Variants in CASKIN1 observed in about 807,000 individuals in gnomAD.
CASKIN1 encodes caskin-1.
A neutral mutation model predicts 117.5 loss-of-function variants in CASKIN1; 42 were observed. The observed-to-expected ratio is 0.36, with a 90% CI of 0.28 to 0.46. CASKIN1 has a LOEUF of 0.46. CASKIN1 is among the 20% of genes least tolerant of loss of function. CASKIN1 has a pLI of 1.00. For missense variants in CASKIN1, 2,083 were observed against 2,077.3 expected (o/e 1.00, Z -0.05); for synonymous variants, 1,148 against 961.7 (o/e 1.19, Z -3.59).
chr16:2,183,805 G>A (rs1381424279), intron 15 of CASKIN1, 26 bp downstream of exon 15: 1 of 1,611,636 alleles, frequency 6.2e-7, no homozygotes. Flanking sequence ...GACGCAGCTG[G>A]CGCTGGCGGC....
intron 10 of CASKIN1, 138 bp from the exon 11 acceptor site, chr16:2,185,546 C>G (rs539773144): frequency 1.4e-6 from 1 of 694,632 alleles, no homozygotes; most frequent in African/African-American, 1.8e-5. Context: ...CTGATAGCCC[C>G]TCGGAAGACC....
rs577187104 is a variant in CASKIN1, at chr16:2,191,540, C to T, written c.95-1182G>A. Among the ~76,000 whole-genome samples, 17 of 152,306 alleles carry T rather than the reference C, an allele frequency of 1.1e-4. No individual in the cohort carries two copies. In the East Asian group the frequency reaches 1.9e-3, roughly 17 times the overall value. Reference sequence around the variant, plus strand: ...AGCATTCCCAGACATAAAGCGTGCGCGGCCTGGCACAAGTCAGGACTCGGT... The same window carrying T: ...AGCATTCCCAGACATAAAGCGTGCGTGGCCTGGCACAAGTCAGGACTCGGT... On this transcript the variant is annotated intron_variant, in intron 1 of 19. Transcript: ENST00000343516.
chr16:2,182,769 T>C lies in CASKIN1; in HGVS notation c.1630-840A>G, dbSNP rs1244859201. 4.6e-5 allele frequency among the ~76,000 whole-genome samples: 7 copies of C among 152,050 alleles called. No individual in the cohort carries two copies. Among genetic ancestry groups the C allele is most frequent in the African/African-American group, 1.5e-4 (6 of 41,364 alleles). ...CCACCTTCTTCAGGCCCGGAACCCATCCCACTGCACAGGCACCTCCCTGTT... is the reference window on the plus strand; with the variant it reads ...CCACCTTCTTCAGGCCCGGAACCCACCCCACTGCACAGGCACCTCCCTGTT... On this transcript the variant is annotated intron_variant, in intron 16 of 19. Coordinates refer to ENST00000343516, the MANE Select transcript of CASKIN1 (RefSeq NM_020764.4). This position sits in a 1 kb window ranked among gnomAD's most constrained non-coding sequence, Gnocchi z 4.1.
At chr16:2,188,933 CT>C in intron 6 of CASKIN1, 93 bp downstream of exon 6, 1 of 1,516,478 alleles carries the variant, frequency 6.6e-7, no homozygotes. Context: ...TGCTCCCGCC[CT>C]ATCCCCAAGC....
chr16:2,181,981 C>A, intron 16 of CASKIN1, 52 bp from the exon 17 acceptor site: 1 of 1,604,720 alleles, frequency 6.2e-7, no homozygotes, highest in Non-Finnish European at 8.5e-7. Context: ...CCGCACCCTG[C>A]CCATCTACCT....
chr16:2,187,613 GT>G, intron 6 of CASKIN1, 152 bp from the exon 7 acceptor site: 1 of 634,146 alleles, frequency 1.6e-6, no homozygotes, highest in East Asian at 2.7e-5. Context: ...CATTCACTGA[GT>G]GCTGAGCGCT....
chr16:2,178,534 C>G lies in CASKIN1; in HGVS notation c.*16G>C. On this transcript the variant is annotated 3_prime_UTR_variant, in exon 20 of 20. Transcript: ENST00000343516. ...GGAGGGCCCGGGCGGCGCGGGAGGG[C>G]CCGGCCAGGCGGCGTTCACTCCAGC... is the stretch of plus-strand genomic sequence containing the variant. The G allele has an allele frequency of 6.4e-7, 1 of 1,562,618 alleles. No homozygotes were observed. The highest frequency in any genetic ancestry group is 8.6e-7 in the Non-Finnish European group (1 of 1,161,512).
intron 1 of CASKIN1, among the ~76,000 whole-genome samples, chr16:2,190,715 C>T (rs2093199249): frequency 6.6e-6 from 1 of 152,208 alleles, no homozygotes; most frequent in Non-Finnish European, 1.5e-5. Flanking sequence ...TGGCTGAGCA[C>T]CTGCCAATGG....
chr16:2,177,942 A>G lies in CASKIN1; in HGVS notation c.*608T>C. ...TGGCCGGAGGAAGGACCGCAGGCAG[A>G]CAGCCTGGGCCTCTAACAGCTTTTG... On this transcript the variant is annotated 3_prime_UTR_variant, in exon 20 of 20. Transcript: ENST00000343516. 1 of 347,334 alleles carries G rather than the reference A, an allele frequency of 2.9e-6. No individual in the cohort carries two copies. The highest frequency in any genetic ancestry group is 5.4e-6 in the Non-Finnish European group (1 of 184,632). 21.5% of individuals were successfully genotyped at this position (347,334 alleles called of 1,614,324 possible).
rs1392410389 is a variant in CASKIN1 at position 2,184,111 on chromosome 16, G to A, written c.1417-170C>T. On this transcript the variant is annotated intron_variant, in intron 14 of 19. Coordinates refer to ENST00000343516, the MANE Select transcript of CASKIN1 (RefSeq NM_020764.4). Reference sequence around the variant, plus strand: ...CTGGCCCGTGAGTGATCCTCAGTCCGCGGTCCCGGAGGCGCCTCCTGGAGC... The same window carrying A: ...CTGGCCCGTGAGTGATCCTCAGTCCACGGTCCCGGAGGCGCCTCCTGGAGC... Among the ~76,000 whole-genome samples the A allele has an allele frequency of 5.9e-5, 9 of 151,754 alleles. No individual in the cohort carries two copies. The East Asian group carries it at 7.8e-4, about 13-fold the overall frequency.
At position 2,181,302 on chromosome 16, in the gene CASKIN1, G is replaced by C; in HGVS notation, c.2066C>G (p.Thr689Ser). ...ACCCAGGCTGGAGTCCTGCCGCGTGGTGGCCCTCGGGGTGGGTGGCAGGTG... is the reference window on the plus strand; with the variant it reads ...ACCCAGGCTGGAGTCCTGCCGCGTGCTGGCCCTCGGGGTGGGTGGCAGGTG... ...SSHLPPTPRA[T>S]TRQDSSLGGR... Residue 689 changes from threonine (T) to serine (S), a missense_variant, in exon 18 of 20, where the codon ACC (threonine) becomes AGC (serine). This residue lies in a region of CASKIN1 where 1,818 missense variants were observed against 1,688.9 expected (regional missense o/e 1.08). Transcript: ENST00000343516. The C allele has an allele frequency of 1.9e-6, 3 of 1,603,752 alleles. No homozygotes were observed. Among genetic ancestry groups the C allele is most frequent in the Non-Finnish European group, 2.5e-6 (3 of 1,178,754 alleles).
At position 2,181,716 on chromosome 16, in the gene CASKIN1, G is replaced by T; in HGVS notation, c.1768+75C>A. 7 of 1,533,982 alleles carry T rather than the reference G, an allele frequency of 4.6e-6. No homozygotes were observed. In the South Asian group the frequency reaches 5.8e-5, roughly 13 times the overall value. ...AGCTTGGGGCTGGGGCGGGGCTGGG[G>T]CTGGGCTGGTGGCTGGTGGCTGGGG... On this transcript the variant is annotated intron_variant, in intron 17 of 19. Transcript: ENST00000343516.
Position 2,182,744 on chromosome 16 carries a change from C to G in CASKIN1, c.1630-815G>C, listed in dbSNP as rs938922011. On this transcript the variant is annotated intron_variant, in intron 16 of 19. Transcript: ENST00000343516. This position sits in a 1 kb window ranked among gnomAD's most constrained non-coding sequence, Gnocchi z 4.1. ...CGCTTCAGTTGGGCTAGGCCTGGGCCCACCTTCTTCAGGCCCGGAACCCAT... is the reference window on the plus strand; with the variant it reads ...CGCTTCAGTTGGGCTAGGCCTGGGCGCACCTTCTTCAGGCCCGGAACCCAT... Among the ~76,000 whole-genome samples, 6 of 152,190 alleles carry G rather than the reference C, an allele frequency of 3.9e-5. No individual in the cohort carries two copies. Among genetic ancestry groups the G allele is most frequent in the African/African-American group, 1.4e-4 (6 of 41,448 alleles).
At chr16:2,188,872 T>C in intron 6 of CASKIN1, 155 bp downstream of exon 6, 1 of 1,062,408 alleles carries the variant, frequency 9.4e-7, no homozygotes, top group South Asian at 1.6e-5. Flanking sequence ...ATCCTGTACA[T>C]GGGCCCTGGA....
At position 2,178,627 on chromosome 16, in the gene CASKIN1, T is replaced by C. The variant is rs1474592897; in HGVS notation, c.4219A>G (p.Ser1407Gly). 1.3e-6 allele frequency: 2 copies of C among 1,594,480 alleles called. No homozygotes were observed. Among genetic ancestry groups the C allele is most frequent in the South Asian group, 2.2e-5 (2 of 89,920 alleles). ...ATGTCGTCCAGGATGCTGCCAGTGCTCTTTTCCGCCGCCGAGTCGCTGCGG... is the reference window on the plus strand; with the variant it reads ...ATGTCGTCCAGGATGCTGCCAGTGCCCTTTTCCGCCGCCGAGTCGCTGCGG... ...QGPRDSAAEK[S>G]TGSILDDIGS... The change falls in exon 20 of 20, where the codon AGC becomes GGC. Residue 1407 changes from serine to glycine, a missense_variant. This residue lies in a region of CASKIN1 where 1,818 missense variants were observed against 1,688.9 expected (regional missense o/e 1.08). Coordinates refer to ENST00000343516, the MANE Select transcript of CASKIN1 (RefSeq NM_020764.4).
rs1266144546 is a variant in CASKIN1 at position 2,183,939 on chromosome 16, G to A, written c.1419C>T (p.Ser473=). ...KKLEPASEGK[S]SEAVSQWLTA... is the part of the protein sequence containing the mutation. Reference sequence around the variant, plus strand: ...TGAGCCACTGGCTCACGGCCTCAGAGCTCTGGAAGACACAAGGCACCCACT... The same window carrying A: ...TGAGCCACTGGCTCACGGCCTCAGAACTCTGGAAGACACAAGGCACCCACT... Residue 473 remains serine (S), a splice_region_variant and synonymous_variant, in exon 15 of 20, where the codon AGC becomes AGT. Transcript: ENST00000343516. The A allele has an allele frequency of 2.5e-6, 4 of 1,595,584 alleles. No homozygotes were observed. Among genetic ancestry groups the A allele is most frequent in the Non-Finnish European group, 3.4e-6 (4 of 1,172,374 alleles).
intron 6 of CASKIN1, 98 bp downstream of exon 6, chr16:2,188,929 C>T (rs373478319): frequency 3.1e-5 from 46 of 1,503,474 alleles, no homozygotes; most frequent in African/African-American, 1.1e-4. Flanking sequence ...TGCCTGCTCC[C>T]GCCCTATCCC....
At chr16:2,195,065 C>T (rs1567265261) in intron 1 of CASKIN1, among the ~76,000 whole-genome samples, 2 of 152,188 alleles carry the variant, frequency 1.3e-5, no homozygotes, top group Admixed American at 6.5e-5. Flanking sequence ...CCTTGCCTTC[C>T]CTCAATCCCT....
intron 10 of CASKIN1, among the ~76,000 whole-genome samples, chr16:2,186,270 C>T (rs932960999): frequency 2.0e-5 from 3 of 152,158 alleles, no homozygotes; most frequent in Admixed American, 6.5e-5. Context: ...CGCCTGGCGC[C>T]GCCGGCTTTT....
Sources: allele counts gnomAD v4.1 joint callset (sites outside exome capture counted in the v4.1 genomes callset), GRCh38; gene constraint gnomAD v4.1.1; regional missense constraint gnomAD v4.1.1; non-coding constraint Gnocchi (gnomAD v3.1); transcripts MANE v1.5; gene names NCBI Gene and HGNC (gene_info 2026-07-23, HGNC 2026-07-21).